Variants in OPA1 observed in about 807,000 individuals in gnomAD.
OPA1 encodes OPA1 mitochondrial dynamin like GTPase, also known as dynamin-like GTPase OPA1, mitochondrial.
Under a neutral mutation model 152.9 loss-of-function variants are expected in OPA1, and 59 were observed. That is an observed-to-expected ratio of 0.39 (90% CI 0.31 to 0.48). The LOEUF is 0.48. OPA1 is among the 20% of genes least tolerant of loss of function. The pLI is 0.96. For missense variants in OPA1, 1,008 were observed against 1,216.8 expected (o/e 0.83, Z 2.55); for synonymous variants, 400 against 389.9 (o/e 1.03, Z -0.31).
chr3:193,648,384 A>G, intron 20 of OPA1: 1 of 435,738 alleles, frequency 2.3e-6, no homozygotes, highest in Non-Finnish European at 4.1e-6. Flanking sequence ...AAGGTAATGA[A>G]TGTGCTTTAA....
intron 29 of OPA1, 24 bp downstream of exon 29, chr3:193,667,304 A>C: frequency 1.0e-6 from 1 of 966,948 alleles, no homozygotes; most frequent in Non-Finnish European, 1.7e-6. Flanking sequence ...ACTGCCCTCT[A>C]CCTTACTACC....
In OPA1 at chr3:193,661,259, G is replaced by T. The variant is rs184087448; in HGVS notation, c.2521-1563G>T. On this transcript the variant is annotated intron_variant, in intron 25 of 30. Coordinates refer to ENST00000361510, the MANE Select transcript of OPA1 (RefSeq NM_130837.3). ...CCCACAGGATTTCAGGGCAGCATGT[G>T]TGAGACCCAGGCTGACTGTAGAACA... Among the ~76,000 whole-genome samples the T allele has an allele frequency of 1.3e-4, 20 of 152,348 alleles. No individual in the cohort carries two copies. In the East Asian group the frequency reaches 3.5e-3, roughly 26 times the overall value.
chr3:193,665,605 C>G (rs1467913913), intron 27 of OPA1, among the ~76,000 whole-genome samples: 1 of 152,098 alleles, frequency 6.6e-6, no homozygotes, highest in Admixed American at 6.5e-5. Flanking sequence ...CATTTTCTTA[C>G]AAGCAAAAAT....
At chr3:193,629,248 A>G (rs914820797) in intron 7 of OPA1, among the ~76,000 whole-genome samples, 1 of 152,058 alleles carries the variant, frequency 6.6e-6, no homozygotes, top group African/African-American at 2.4e-5. Context: ...ATTAATTGTG[A>G]TGTTCCATTA....
Position 193,644,050 on chromosome 3 carries a change from T to C in OPA1, c.1553T>C (p.Ile518Thr). 1 of 1,613,882 alleles carries C rather than the reference T, an allele frequency of 6.2e-7. No individual in the cohort carries two copies. The highest frequency in any genetic ancestry group is 1.1e-5 in the South Asian group (1 of 91,072). The change falls in exon 16 of 31, where the codon ATA (isoleucine) becomes ACA (threonine). Residue 518 changes from isoleucine (I) to threonine (T), a missense_variant. Coordinates refer to ENST00000361510, the MANE Select transcript of OPA1 (RefSeq NM_130837.3). ...ATGGACCCTCATGGAAGGAGAACCA[T>C]ATTCGTTTTGACCAAAGTAGACCTG... Reference protein sequence around the residue: ...SQMDPHGRRTIFVLTKVDLAE... With the variant: ...SQMDPHGRRTTFVLTKVDLAE...
At chr3:193,623,052 T>C (rs1298034993) in intron 6 of OPA1, among the ~76,000 whole-genome samples, 1 of 152,196 alleles carries the variant, frequency 6.6e-6, no homozygotes, top group Non-Finnish European at 1.5e-5. Flanking sequence ...GGATTTCTTA[T>C]GCAACAAATA....
chr3:193,679,682 T>C (rs1719812345), intron 29 of OPA1, among the ~76,000 whole-genome samples: 1 of 152,206 alleles, frequency 6.6e-6, no homozygotes, highest in Non-Finnish European at 1.5e-5. Context: ...CAAGTTCATA[T>C]AATTTGGCTT....
chr3:193,619,368 G>A (rs908497485), intron 6 of OPA1, among the ~76,000 whole-genome samples: 3 of 152,156 alleles, frequency 2.0e-5, no homozygotes, highest in African/African-American at 7.2e-5. Context: ...CTCATGGAAC[G>A]TCGTATAGGG....
At chr3:193,634,270 A>G (rs1732575162) in intron 8 of OPA1, among the ~76,000 whole-genome samples, 1 of 132,484 alleles carries the variant, frequency 7.5e-6, no homozygotes, top group Non-Finnish European at 1.6e-5. Context: ...TGTGTAGACA[A>G]GCAACTACTT....
intron 24 of OPA1, 43 bp from the exon 25 acceptor site, chr3:193,659,439 G>A (rs1714699586): frequency 1.4e-6 from 2 of 1,424,698 alleles, no homozygotes; most frequent in Non-Finnish European, 2.0e-6. Flanking sequence ...ATTTGTGTGT[G>A]TGTAAGTGAT....
intron 1 of OPA1, among the ~76,000 whole-genome samples, chr3:193,607,886 C>G (rs1023181061): frequency 1.3e-5 from 2 of 152,142 alleles, no homozygotes; most frequent in South Asian, 2.1e-4. Flanking sequence ...ATTCTTCCTA[C>G]CCATGAGCAT....
chr3:193,604,860 CAAAAAAAAA>C (rs55904490), intron 1 of OPA1, among the ~76,000 whole-genome samples: 3 of 104,594 alleles, frequency 2.9e-5, no homozygotes, highest in Non-Finnish European at 5.7e-5. Context: ...AACTCCATCT[CAAAAAAAAA>C]AAAAAAGAAA....
Position 193,692,093 on chromosome 3 carries a change from A to C in OPA1, c.3014A>C (p.Asp1005Ala). 9 of 1,553,166 alleles carry C rather than the reference A, an allele frequency of 5.8e-6. No homozygotes were observed. Among genetic ancestry groups the C allele is most frequent in the Non-Finnish European group, 7.9e-6 (9 of 1,135,212 alleles). The stretch of plus-strand genomic sequence containing the variant: ...GTTAGAGAAATTCAAGAAAAACTTG[A>C]TGCTTTCATTGAAGCTCTTCATCAG... ...KKVREIQEKL[D>A]AFIEALHQEK Residue 1005 changes from aspartate to alanine, a missense_variant, in exon 30 of 31, where the codon GAT becomes GCT. Coordinates refer to ENST00000361510, the MANE Select transcript of OPA1 (RefSeq NM_130837.3).
At chr3:193,621,464 T>A (rs942606967) in intron 6 of OPA1, among the ~76,000 whole-genome samples, 2 of 152,200 alleles carry the variant, frequency 1.3e-5, no homozygotes, top group African/African-American at 4.8e-5. Flanking sequence ...TCAAAAAGTC[T>A]ACAGAAAGCA....
At chr3:193,636,054 C>A (rs1312262123) in intron 9 of OPA1, among the ~76,000 whole-genome samples, 1 of 152,108 alleles carries the variant, frequency 6.6e-6, no homozygotes, top group African/African-American at 2.4e-5. Flanking sequence ...TCTTACTATT[C>A]CCCACCCAAC....
intron 1 of OPA1, among the ~76,000 whole-genome samples, chr3:193,607,403 TA>T (rs1727458756): frequency 6.6e-6 from 1 of 152,198 alleles, no homozygotes; most frequent in Non-Finnish European, 1.5e-5. Flanking sequence ...GTTTTAGGTC[TA>T]AATTAAGTCT....
In OPA1 at chr3:193,695,325, T is replaced by C. The variant is rs990900577; in HGVS notation, c.*725T>C. 82 of 152,214 alleles carry C rather than the reference T, an allele frequency of 5.4e-4. 2 individuals are homozygous for C. 9.4% of individuals were successfully genotyped at this position (152,214 alleles called of 1,614,324 possible). A position where few individuals can be genotyped will look rare whatever the true frequency, so the allele number is the denominator to read the frequency against. Reference sequence around the variant, plus strand: ...CCATTTGAAATTGATTTATTTTAGATGTTGTATACTTACGTTAGGCTTTCT... The same window carrying C: ...CCATTTGAAATTGATTTATTTTAGACGTTGTATACTTACGTTAGGCTTTCT... On this transcript the variant is annotated 3_prime_UTR_variant, in exon 31 of 31. Coordinates refer to ENST00000361510, the MANE Select transcript of OPA1 (RefSeq NM_130837.3).
At chr3:193,617,431 A>G (rs1577163643) in intron 4 of OPA1, 146 bp downstream of exon 4, 2 of 648,766 alleles carry the variant, frequency 3.1e-6, no homozygotes, top group Middle Eastern at 4.1e-4. Flanking sequence ...GATAAACACA[A>G]AGTTTTGTTA....
At chr3:193,655,834 G>C (rs946433972) in intron 22 of OPA1, among the ~76,000 whole-genome samples, 1 of 152,178 alleles carries the variant, frequency 6.6e-6, no homozygotes, top group Non-Finnish European at 1.5e-5. Flanking sequence ...TCCTGTGCTT[G>C]TGTGTGAGGT....
Sources: allele counts gnomAD v4.1 joint callset (sites outside exome capture counted in the v4.1 genomes callset), GRCh38; gene constraint gnomAD v4.1.1; transcripts MANE v1.5; gene names NCBI Gene and HGNC (gene_info 2026-07-23, HGNC 2026-07-21).